Variants in LRRIQ3 observed in about 807,000 individuals in gnomAD.
LRRIQ3 encodes the protein leucine rich repeats and IQ motif containing 3.
LRRIQ3 carries 75 observed loss-of-function variants against 59.3 expected under a neutral mutation model. The observed-to-expected ratio is 1.26, with a 90% CI of 1.05 to 1.53. LRRIQ3 has a LOEUF of 1.53. LRRIQ3 is among the 40% of genes most tolerant of loss of function. LRRIQ3 has a pLI of 0.00. For synonymous variants in LRRIQ3, 250 were observed against 231.3 expected (o/e 1.08, Z -0.73); for missense variants, 831 against 710.0 (o/e 1.17, Z -1.94).
At chr1:74,067,261 T>G (rs2100459288) in intron 6 of LRRIQ3, among the ~76,000 whole-genome samples, 1 of 152,164 alleles carries the variant, frequency 6.6e-6, no homozygotes, top group South Asian at 2.1e-4. Context: ...TCTTATACAC[T>G]TAAACATACA....
chr1:74,189,374 C>A (rs956957218), intron 1 of LRRIQ3, among the ~76,000 whole-genome samples: 1 of 152,020 alleles, frequency 6.6e-6, no homozygotes, highest in African/African-American at 2.4e-5. Flanking sequence ...AAACTAAGTA[C>A]AGAAAAAGGA....
chr1:74,184,188 C>T (rs1650204673), intron 1 of LRRIQ3, among the ~76,000 whole-genome samples: 2 of 151,970 alleles, frequency 1.3e-5, no homozygotes, highest in Non-Finnish European at 2.9e-5. Context: ...ATGTTATCAA[C>T]AATATTTGTG....
rs183769549 is a variant in LRRIQ3 at position 74,184,029 on chromosome 1, T to C, written c.1-345A>G. Among the ~76,000 whole-genome samples the C allele has an allele frequency of 3.3e-5, 5 of 152,088 alleles. No individual in the cohort carries two copies. In the East Asian group the frequency reaches 7.7e-4, roughly 24 times the overall value. On this transcript the variant is annotated intron_variant, in intron 1 of 7. Transcript: ENST00000354431. ...AACTAACAACAAACAAATGAAACCA[T>C]ACTTTATATAACTCGTATGATAATT...
chr1:74,119,518 C>T (rs565816578), intron 4 of LRRIQ3, among the ~76,000 whole-genome samples: 117 of 152,166 alleles, frequency 7.7e-4, no homozygotes, highest in South Asian at 2.3e-3. Context: ...TACAGTCTCC[C>T]CCACAACAAC....
intron 6 of LRRIQ3, among the ~76,000 whole-genome samples, chr1:74,057,394 G>C (rs1332786547): frequency 1.3e-5 from 2 of 151,986 alleles, no homozygotes; most frequent in Admixed American, 1.3e-4. Context: ...GGCATAAATG[G>C]AGACACATAG....
intron 6 of LRRIQ3, among the ~76,000 whole-genome samples, chr1:74,060,493 A>G (rs1347974472): frequency 6.6e-6 from 1 of 152,006 alleles, no homozygotes; most frequent in Admixed American, 6.6e-5. Flanking sequence ...TATAAATTTC[A>G]TTCTCAGCAC....
At chr1:74,126,673 G>A (rs921400634) in intron 4 of LRRIQ3, among the ~76,000 whole-genome samples, 1 of 151,494 alleles carries the variant, frequency 6.6e-6, no homozygotes, top group Non-Finnish European at 1.5e-5. Context: ...AAATTCCTCT[G>A]GTTGATTTCT....
Position 74,109,654 on chromosome 1 carries a change from A to G in LRRIQ3, c.708-101T>C. On this transcript the variant is annotated intron_variant, in intron 4 of 7. Transcript: ENST00000354431. ...CTTACATCTTAGAAAACATAGTGTT[A>G]AATTGAATGTAATAATATATTTATT... is the stretch of plus-strand genomic sequence containing the variant. 6 of 903,300 alleles carry G rather than the reference A, an allele frequency of 6.6e-6. 1 individual carries two copies. In the South Asian group the frequency reaches 1.1e-4, roughly 17 times the overall value. The allele number at this position is 903,300 out of a possible 1,614,324, so 56.0% of individuals were successfully genotyped here.
At chr1:74,176,216 G>A (rs1018313730) in intron 3 of LRRIQ3, among the ~76,000 whole-genome samples, 39 of 151,896 alleles carry the variant, frequency 2.6e-4, no homozygotes, top group Non-Finnish European at 5.4e-4. Flanking sequence ...CATTCCTGAG[G>A]AATATTTTCA....
intron 4 of LRRIQ3, among the ~76,000 whole-genome samples, chr1:74,132,885 A>G (rs1157907970): frequency 1.3e-5 from 2 of 152,104 alleles, no homozygotes; most frequent in South Asian, 2.1e-4. Flanking sequence ...AAACTAAAGA[A>G]CTTCTGCACA....
chr1:74,139,602 A>G (rs923624272), intron 4 of LRRIQ3, among the ~76,000 whole-genome samples: 1 of 151,916 alleles, frequency 6.6e-6, no homozygotes, highest in African/African-American at 2.4e-5. Flanking sequence ...TTTATTCCAC[A>G]TAACTGTAGA....
Position 74,195,735 on chromosome 1 carries a change from T to C in LRRIQ3, c.-1+2261A>G, listed in dbSNP as rs1157821537. 3.9e-5 allele frequency among the ~76,000 whole-genome samples: 6 copies of C among 152,334 alleles called. No homozygotes were observed. The East Asian group carries it at 7.7e-4, about 20-fold the overall frequency. On this transcript the variant is annotated intron_variant, in intron 1 of 7. Coordinates refer to ENST00000354431, the MANE Select transcript of LRRIQ3 (RefSeq NM_001105659.2). ...ACTAAACAGATTATTTCCTGTGTGT[T>C]TGATTTGTGCAGAATTAATGGGCTT... is the stretch of plus-strand genomic sequence containing the variant.
At chr1:74,128,174 A>G (rs562442524) in intron 4 of LRRIQ3, among the ~76,000 whole-genome samples, 9 of 151,988 alleles carry the variant, frequency 5.9e-5, no homozygotes, top group African/African-American at 2.2e-4. Flanking sequence ...TAGGTGTTTG[A>G]TTATTAAATA....
intron 3 of LRRIQ3, among the ~76,000 whole-genome samples, chr1:74,176,154 G>C (rs1051997892): frequency 6.6e-6 from 1 of 152,014 alleles, no homozygotes; most frequent in African/African-American, 2.4e-5. Flanking sequence ...AGGTATGCTA[G>C]TAATAGATTC....
chr1:74,117,595 G>C (rs1038024822), intron 4 of LRRIQ3, among the ~76,000 whole-genome samples: 2 of 152,060 alleles, frequency 1.3e-5, no homozygotes, highest in African/African-American at 2.4e-5. Context: ...GTGAAACCTT[G>C]TCTCTAGTAA....
intron 7 of LRRIQ3, among the ~76,000 whole-genome samples, chr1:74,036,063 C>T (rs1570002089): frequency 6.6e-6 from 1 of 152,040 alleles, no homozygotes; most frequent in Non-Finnish European, 1.5e-5. Context: ...TATGGCAGGG[C>T]AAGGGAGAAT....
chr1:74,045,343 G>A (rs763562349), intron 6 of LRRIQ3, among the ~76,000 whole-genome samples: 23 of 151,954 alleles, frequency 1.5e-4, no homozygotes, highest in Non-Finnish European at 2.9e-4. Flanking sequence ...GCACATAAAC[G>A]GAACCAGTGA....
intron 4 of LRRIQ3, among the ~76,000 whole-genome samples, chr1:74,134,190 A>C (rs1647078823): frequency 6.6e-6 from 1 of 152,052 alleles, no homozygotes; most frequent in South Asian, 2.1e-4. Context: ...AAACTGAACA[A>C]AATTTCCCAA....
chr1:74,037,335 G>A (rs1442260815), intron 7 of LRRIQ3, among the ~76,000 whole-genome samples: 3 of 152,052 alleles, frequency 2.0e-5, no homozygotes, highest in Non-Finnish European at 4.4e-5. Context: ...GGTATGCAGG[G>A]TCTTCATCAA....
Sources: allele counts gnomAD v4.1 joint callset (sites outside exome capture counted in the v4.1 genomes callset), GRCh38; gene constraint gnomAD v4.1.1; transcripts MANE v1.5; gene names NCBI Gene and HGNC (gene_info 2026-07-23, HGNC 2026-07-21).